NEMP2: variants seen among roughly 807,000 people sequenced by gnomAD.
The protein encoded by NEMP2 is nuclear envelope integral membrane protein 2.
Under a neutral mutation model 54.2 loss-of-function variants are expected in NEMP2, and 53 were observed. The ratio of observed to expected loss-of-function variants is 0.98; its 90% confidence interval spans 0.78 to 1.23. The LOEUF is 1.23. Ranked by LOEUF, NEMP2 falls within the 50% of genes most tolerant of loss-of-function variation. NEMP2 has a pLI of 0.00. For missense variants in NEMP2, 455 were observed against 511.3 expected, an observed-to-expected ratio of 0.89 and a Z score of 1.06; for synonymous variants, 197 against 190.3, an observed-to-expected ratio of 1.04 and a Z score of -0.29.
the NEMP2 span, among the ~76,000 whole-genome samples, chr2:190,578,728 A>G: frequency 7.7e-4 from 116 of 150,872 alleles, no homozygotes; most frequent in African/African-American, 2.7e-3. This position sits in a 1 kb window ranked among gnomAD's most constrained non-coding sequence, Gnocchi z 4.4. Context: ...TTTTATTGGT[A>G]TAGGAGTGGG....
the NEMP2 span, among the ~76,000 whole-genome samples, chr2:190,549,494 C>T: frequency 4.9e-3 from 745 of 152,290 alleles, 8 homozygotes; most frequent in African/African-American, 0.017. Context: ...CCTAATTTAC[C>T]AGTTTTCAAG....
chr2:190,590,532 T>C, the NEMP2 span, among the ~76,000 whole-genome samples: 5 of 152,086 alleles, frequency 3.3e-5, no homozygotes, highest in Non-Finnish European at 7.4e-5. This position sits in a 1 kb window ranked among gnomAD's most constrained non-coding sequence, Gnocchi z 5.1. Flanking sequence ...CTATTCTTCT[T>C]CCCTCACCTT....
chr2:190,511,118 C>T (rs1015218831), intron 7 of NEMP2, among the ~76,000 whole-genome samples: 1 of 152,052 alleles, frequency 6.6e-6, no homozygotes, highest in Non-Finnish European at 1.5e-5. Flanking sequence ...TATTTTTCTT[C>T]CTCGGTGATT....
chr2:190,482,868 C>CTTTTTTTTTTTTTTTTTTTTTTTTT, the NEMP2 span, among the ~76,000 whole-genome samples: 1 of 48,292 alleles, frequency 2.1e-5, no homozygotes, highest in Non-Finnish European at 3.8e-5. Context: ...AGACTATCAT[C>CTTTTTTTTTTTTTTTTTTTTTTTTT]TTTTTTTTTT....
chr2:190,474,490 C>G, the NEMP2 span, among the ~76,000 whole-genome samples: 1 of 151,424 alleles, frequency 6.6e-6, no homozygotes, highest in Non-Finnish European at 1.5e-5. Context: ...TTCCTTGACA[C>G]AAACAACCTC....
At chr2:190,624,560 T>A in the NEMP2 span, 2 of 152,228 alleles carry the variant, frequency 1.3e-5, no homozygotes, top group African/African-American at 4.8e-5. Context: ...AATCAACCTA[T>A]GTGTCCATCA....
At chr2:190,463,472 A>G in the NEMP2 span, among the ~76,000 whole-genome samples, 1 of 152,166 alleles carries the variant, frequency 6.6e-6, no homozygotes, top group Non-Finnish European at 1.5e-5. The surrounding 1 kb of genome is among the most constrained non-coding windows in gnomAD (Gnocchi z 4.4). Flanking sequence ...GAAGACATCT[A>G]TAACAATTCT....
downstream of NEMP2, chr2:190,500,078 C>T: frequency 6.2e-7 from 1 of 1,614,206 alleles, no homozygotes; most frequent in South Asian, 1.1e-5. The surrounding 1 kb of genome is among the most constrained non-coding windows in gnomAD (Gnocchi z 5.3). Flanking sequence ...ATGTGAGACT[C>T]ACTCTGACCC....
At chr2:190,640,680 A>G in the NEMP2 span, among the ~76,000 whole-genome samples, 1 of 151,692 alleles carries the variant, frequency 6.6e-6, no homozygotes, top group Non-Finnish European at 1.5e-5. Context: ...ATTGTAGGAT[A>G]TATGCATTGT....
the NEMP2 span, among the ~76,000 whole-genome samples, chr2:190,473,766 C>CA: frequency 6.6e-6 from 1 of 152,188 alleles, no homozygotes; most frequent in Non-Finnish European, 1.5e-5. Context: ...ACAGAATATA[C>CA]ATTCTTTTCA....
the NEMP2 span, chr2:190,437,291 A>G: frequency 6.2e-7 from 1 of 1,614,146 alleles, no homozygotes; most frequent in Non-Finnish European, 8.5e-7. The surrounding 1 kb of genome is among the most constrained non-coding windows in gnomAD (Gnocchi z 5.9). Flanking sequence ...GAGTCCTCTG[A>G]GGAGACACCA....
the NEMP2 span, among the ~76,000 whole-genome samples, chr2:190,565,304 C>T: frequency 1.3e-5 from 2 of 152,180 alleles, no homozygotes; most frequent in Admixed American, 6.5e-5. Context: ...TCTGTGCTCT[C>T]TCCCCTCCTA....
chr2:190,501,004 T>C (rs1054234852), downstream of NEMP2: 2 of 152,202 alleles, frequency 1.3e-5, no homozygotes, highest in African/African-American at 4.8e-5. Context: ...TGTGTTTTGA[T>C]AGACAAGAGT....
At chr2:190,588,827 G>A in the NEMP2 span, among the ~76,000 whole-genome samples, 1 of 152,132 alleles carries the variant, frequency 6.6e-6, no homozygotes, top group Non-Finnish European at 1.5e-5. This position sits in a 1 kb window ranked among gnomAD's most constrained non-coding sequence, Gnocchi z 5.0. Flanking sequence ...ATCAGAGGTG[G>A]CTGATAAACT....
chr2:190,526,673 T>C (rs58210597), intron 1 of NEMP2, among the ~76,000 whole-genome samples: 22,513 of 152,064 alleles, frequency 0.15, 1,886 homozygotes, highest in Middle Eastern at 0.22. Context: ...AGCGGAGAGA[T>C]AGTGAGGCCC....
In NEMP2 at chr2:190,527,402, T is replaced by C. The variant is rs566442617; in HGVS notation, c.98-2024A>G. Among the ~76,000 whole-genome samples the C allele has an allele frequency of 2.6e-5, 4 of 152,156 alleles. No homozygotes were observed. The highest frequency in any genetic ancestry group is 9.6e-5 in the African/African-American group (4 of 41,486). On this transcript the variant is annotated intron_variant, in intron 1 of 8. Transcript: ENST00000409150. This position sits in a 1 kb window ranked among gnomAD's most constrained non-coding sequence, Gnocchi z 4.0. ...GAAAGGATCCTGGGAATGCTCGCCA[T>C]CTCCCAGAACACAACTCCATAAAAG...
At chr2:190,457,686 T>C in the NEMP2 span, among the ~76,000 whole-genome samples, 1 of 152,238 alleles carries the variant, frequency 6.6e-6, no homozygotes, top group Non-Finnish European at 1.5e-5. The surrounding 1 kb of genome is among the most constrained non-coding windows in gnomAD (Gnocchi z 5.1). Flanking sequence ...AATTTAATGG[T>C]AGCTTACATA....
chr2:190,622,697 GACAC>G, the NEMP2 span, among the ~76,000 whole-genome samples: 1 of 152,014 alleles, frequency 6.6e-6, no homozygotes, highest in African/African-American at 2.4e-5. Context: ...TAAAGGGAAA[GACAC>G]ACCACGGACC....
the NEMP2 span, among the ~76,000 whole-genome samples, chr2:190,458,059 C>T: frequency 2.0e-5 from 3 of 152,260 alleles, no homozygotes; most frequent in East Asian, 1.9e-4. This position sits in a 1 kb window ranked among gnomAD's most constrained non-coding sequence, Gnocchi z 5.3. Flanking sequence ...AAGCTGCCAG[C>T]GGTGTCACAC....
Sources: allele counts gnomAD v4.1 joint callset (sites outside exome capture counted in the v4.1 genomes callset), GRCh38; gene constraint gnomAD v4.1.1; non-coding constraint Gnocchi (gnomAD v3.1); transcripts MANE v1.5; gene names NCBI Gene and HGNC (gene_info 2026-07-23, HGNC 2026-07-21).